ZMYND8: variants seen among roughly 807,000 people sequenced by gnomAD.
ZMYND8 encodes MYND-type zinc finger-containing chromatin reader ZMYND8.
ZMYND8 carries 37 observed loss-of-function variants against 140.8 expected under a neutral mutation model. The ratio of observed to expected loss-of-function variants is 0.26; its 90% CI spans 0.20 to 0.35. The LOEUF (loss-of-function observed/expected upper bound fraction) is 0.35. ZMYND8 is among the 10% of genes least tolerant of loss of function. The pLI, the probability that ZMYND8 is intolerant of heterozygous loss-of-function variation, is 1.00. For missense variants in ZMYND8, 1,068 were observed against 1,570.0 expected (o/e 0.68, Z 5.40); for synonymous variants, 592 against 597.1 (o/e 0.99, Z 0.12).
At chr20:47,320,857 A>C (rs1413627183) in intron 2 of ZMYND8, 3 of 152,266 alleles carry the variant, frequency 2.0e-5, no homozygotes, top group Non-Finnish European at 4.4e-5. Flanking sequence ...AGGGCTTTGT[A>C]GAAAAGTCAG....
intron 2 of ZMYND8, among the ~76,000 whole-genome samples, chr20:47,334,577 T>G (rs1352662132): frequency 6.7e-6 from 1 of 149,806 alleles, no homozygotes; most frequent in Non-Finnish European, 1.5e-5. Flanking sequence ...GATTGTGCTG[T>G]TGGCTGCACA....
At chr20:47,256,552 G>A (rs538549513) in intron 12 of ZMYND8, among the ~76,000 whole-genome samples, 10 of 152,278 alleles carry the variant, frequency 6.6e-5, no homozygotes, top group African/African-American at 1.7e-4. Context: ...CCCAGGAGGC[G>A]GAGCTTACAG....
chr20:47,339,628 G>A (rs1013207318), intron 2 of ZMYND8, among the ~76,000 whole-genome samples: 1 of 150,708 alleles, frequency 6.6e-6, no homozygotes, highest in African/African-American at 2.4e-5. Context: ...AGGCACCCGC[G>A]ACCACGCCTG....
chr20:47,309,178 C>A (rs61031446), intron 3 of ZMYND8, among the ~76,000 whole-genome samples: 4,787 of 152,248 alleles, frequency 0.031, 151 homozygotes, highest in South Asian at 0.11. Context: ...TCCTATCTAG[C>A]TGACTGGTGC....
At chr20:47,338,538 A>G (rs187365763) in intron 2 of ZMYND8, among the ~76,000 whole-genome samples, 1 of 152,286 alleles carries the variant, frequency 6.6e-6, no homozygotes, top group East Asian at 1.9e-4. Flanking sequence ...CACAGACATC[A>G]TATTTTCACC....
chr20:47,351,228 C>G (rs952865358), intron 1 of ZMYND8, among the ~76,000 whole-genome samples: 2 of 152,294 alleles, frequency 1.3e-5, no homozygotes, highest in Admixed American at 1.3e-4. Flanking sequence ...ATTGTTAATT[C>G]TGAGGACTCA....
At chr20:47,270,373 C>CA (rs10659368) in intron 11 of ZMYND8, among the ~76,000 whole-genome samples, 12,050 of 45,418 alleles carry the variant, frequency 0.27, 1,070 homozygotes, top group East Asian at 0.32. Context: ...AACTCCATCT[C>CA]AAAAAAAAAA....
chr20:47,220,381 A>T, intron 20 of ZMYND8, 57 bp from the exon 21 acceptor site: 2 of 1,412,566 alleles, frequency 1.4e-6, no homozygotes, highest in Non-Finnish European at 2.0e-6. Flanking sequence ...TGTCGCCCCC[A>T]CAGGGAAATC....
intron 14 of ZMYND8, 102 bp from the exon 15 acceptor site, chr20:47,239,240 C>T: frequency 7.1e-7 from 1 of 1,399,932 alleles, no homozygotes; most frequent in Non-Finnish European, 9.3e-7. Context: ...CTATGAAAGC[C>T]AGGAATGCCG....
intron 2 of ZMYND8, among the ~76,000 whole-genome samples, chr20:47,338,884 G>C (rs1014766515): frequency 3.9e-5 from 6 of 152,002 alleles, no homozygotes; most frequent in Admixed American, 3.9e-4. Flanking sequence ...TTGCAGGGCA[G>C]TGCAAAGCAC....
chr20:47,220,391 C>T, intron 20 of ZMYND8, 67 bp from the exon 21 acceptor site: 13 of 1,322,850 alleles, frequency 9.8e-6, no homozygotes, highest in Non-Finnish European at 1.4e-5. Context: ...ACAGGGAAAT[C>T]CAGGGAGTCA....
chr20:47,283,131 G>C (rs1471535149), intron 9 of ZMYND8, among the ~76,000 whole-genome samples: 1 of 152,122 alleles, frequency 6.6e-6, no homozygotes, highest in Non-Finnish European at 1.5e-5. Context: ...GATCCACAGG[G>C]AAACTAGGGT....
chr20:47,313,891 C>T (rs987518984), intron 2 of ZMYND8, among the ~76,000 whole-genome samples: 1 of 151,910 alleles, frequency 6.6e-6, no homozygotes, highest in Non-Finnish European at 1.5e-5. Flanking sequence ...TGAGATCGCA[C>T]GACTGCACTC....
Position 47,224,439 on chromosome 20 carries a change from T to C in ZMYND8, c.3134A>G (p.Lys1045Arg), listed in dbSNP as rs1363070062. The C allele has an allele frequency of 1.2e-6, 2 of 1,614,246 alleles. No individual in the cohort carries two copies. ...CTTCTTGCAGTTGGCGCACCACTGCTTCTTCTTGGTCTCATCCACCGCCTG... is the reference window on the plus strand; with the variant it reads ...CTTCTTGCAGTTGGCGCACCACTGCCTCTTCTTGGTCTCATCCACCGCCTG... ...KQQAVDETKK[K>R]QWCANCKKEA... Residue 1045 changes from lysine (K) to arginine (R), a missense_variant, in exon 19 of 23, where the codon AAG becomes AGG. Transcript: ENST00000471951.
At chr20:47,235,697 A>C (rs1385107327) in intron 16 of ZMYND8, among the ~76,000 whole-genome samples, 1 of 147,152 alleles carries the variant, frequency 6.8e-6, no homozygotes, top group Admixed American at 6.8e-5. Context: ...ACAGAGTGAG[A>C]CTCCATCTCA....
intron 3 of ZMYND8, among the ~76,000 whole-genome samples, chr20:47,302,492 C>T (rs2148110430): frequency 6.6e-6 from 1 of 152,032 alleles, no homozygotes; most frequent in South Asian, 2.1e-4. Context: ...GGCTTGGGTC[C>T]CATCCCCGAG....
chr20:47,241,273 T>G (rs569585496), intron 14 of ZMYND8, among the ~76,000 whole-genome samples: 2 of 132,000 alleles, frequency 1.5e-5, no homozygotes, highest in Non-Finnish European at 3.1e-5. Flanking sequence ...CCAGCCTGGG[T>G]GACAGGGCGA....
rs1569125065 is a variant in ZMYND8 at position 47,294,790 on chromosome 20, A to G, written c.454-11T>C. ...TGCTACTGTAATTTTCTACAAAGTCAAAGTCATACATAAACGTCCGGTTAG... is the reference window on the plus strand; with the variant it reads ...TGCTACTGTAATTTTCTACAAAGTCGAAGTCATACATAAACGTCCGGTTAG... On this transcript the variant is annotated splice_polypyrimidine_tract_variant and intron_variant, in intron 4 of 22. Transcript: ENST00000471951. 1.2e-6 allele frequency: 2 copies of G among 1,611,386 alleles called. No individual in the cohort carries two copies. Among genetic ancestry groups the G allele is most frequent in the Middle Eastern group, 1.7e-4 (1 of 6,060 alleles).
chr20:47,338,971 C>CTT (rs141938915), intron 2 of ZMYND8, among the ~76,000 whole-genome samples: 15 of 137,960 alleles, frequency 1.1e-4, no homozygotes, highest in South Asian at 2.3e-4. Flanking sequence ...ACAATTATTT[C>CTT]TTTTTTTTTT....
Sources: gnomAD v4.1 joint callset for allele counts (sites outside exome capture counted in the v4.1 genomes callset) on GRCh38, gnomAD v4.1.1 for gene constraint, MANE v1.5 for transcripts, NCBI Gene and HGNC (gene_info 2026-07-23, HGNC 2026-07-21) for gene names.